Variants in KLHL29 observed in about 807,000 individuals in gnomAD.
The protein encoded by KLHL29 is kelch-like protein 29.
KLHL29 carries 21 observed loss-of-function variants against 80.4 expected under a neutral mutation model. The ratio of observed to expected loss-of-function variants is 0.26; its 90% CI spans 0.19 to 0.38. The LOEUF (loss-of-function observed/expected upper bound fraction) is 0.38, where lower values mean the gene tolerates loss of function less well. Ranked by LOEUF, KLHL29 falls within the 10% of genes least tolerant of loss-of-function variation. KLHL29 has a pLI of 1.00. For synonymous variants in KLHL29, 511 were observed against 526.8 expected (o/e 0.97, Z 0.41); for missense variants, 867 against 1,223.9 (o/e 0.71, Z 4.35).
In KLHL29 at chr2:23,457,602, C is replaced by G. The variant is rs1664092594; in HGVS notation, c.-153-17958C>G. The stretch of plus-strand genomic sequence containing the variant: ...TGTCACAAGGATTGTAACAGCGTCC[C>G]ACTGGTGCTGGATGGCCAACAATAA... On this transcript the variant is annotated intron_variant, in intron 1 of 13. Transcript: ENST00000486442. This position sits in a 1 kb window ranked among gnomAD's most constrained non-coding sequence, Gnocchi z 4.3. Among the ~76,000 whole-genome samples the G allele has an allele frequency of 1.3e-5, 2 of 152,160 alleles. No homozygotes were observed. The highest frequency in any genetic ancestry group is 4.8e-5 in the African/African-American group (2 of 41,430).
At chr2:23,688,946 C>G (rs972931588) in intron 6 of KLHL29, 5 of 152,230 alleles carry the variant, frequency 3.3e-5, no homozygotes, top group African/African-American at 1.2e-4. Context: ...GGTCCCTGTT[C>G]AGAGAGAAGA....
intron 3 of KLHL29, among the ~76,000 whole-genome samples, chr2:23,615,741 C>T (rs73919786): frequency 6.6e-6 from 1 of 152,286 alleles, no homozygotes; most frequent in African/African-American, 2.4e-5. Context: ...GATGGTTATG[C>T]ACCTGTTAGG....
chr2:23,497,022 T>C (rs1254294523), intron 2 of KLHL29, among the ~76,000 whole-genome samples: 1 of 151,702 alleles, frequency 6.6e-6, no homozygotes, highest in African/African-American at 2.4e-5. Flanking sequence ...ATATTTGTTC[T>C]GCAACCATAT....
intron 3 of KLHL29, among the ~76,000 whole-genome samples, chr2:23,619,194 A>G (rs1299044401): frequency 6.6e-6 from 1 of 152,250 alleles, no homozygotes; most frequent in South Asian, 2.1e-4. Context: ...GAAAGCATAC[A>G]TGAAATGCTT....
chr2:23,458,175 A>T (rs953327769), intron 1 of KLHL29, among the ~76,000 whole-genome samples: 1 of 152,202 alleles, frequency 6.6e-6, no homozygotes, highest in Non-Finnish European at 1.5e-5. Context: ...CTCAGCAGAC[A>T]CCAGGGACCT....
chr2:23,650,252 A>G (rs1282153050), intron 5 of KLHL29, among the ~76,000 whole-genome samples: 1 of 152,248 alleles, frequency 6.6e-6, no homozygotes, highest in Non-Finnish European at 1.5e-5. Flanking sequence ...TTAAGGGGAC[A>G]GTGAGTGGTT....
intron 5 of KLHL29, among the ~76,000 whole-genome samples, chr2:23,665,290 G>A (rs1383246524): frequency 1.3e-5 from 2 of 152,234 alleles, no homozygotes; most frequent in African/African-American, 2.4e-5. Flanking sequence ...TTGGAGGGAT[G>A]TGTTGTCTCC....
At chr2:23,403,726 A>AGAGAGTGTGT (rs534136885) in intron 1 of KLHL29, among the ~76,000 whole-genome samples, 242 of 144,100 alleles carry the variant, frequency 1.7e-3, no homozygotes, top group Non-Finnish European at 2.6e-3. Flanking sequence ...AGAGAGAGAG[A>AGAGAGTGTGT]GTGTGTGTGT....
chr2:23,619,880 G>T (rs183093670), intron 3 of KLHL29, among the ~76,000 whole-genome samples: 2 of 152,332 alleles, frequency 1.3e-5, no homozygotes, highest in Admixed American at 1.3e-4. Flanking sequence ...ATAAGGCATG[G>T]TCTGTCCTCC....
chr2:23,645,272 A>G (rs1330797432), intron 5 of KLHL29, among the ~76,000 whole-genome samples: 1 of 152,198 alleles, frequency 6.6e-6, no homozygotes, highest in Non-Finnish European at 1.5e-5. Flanking sequence ...GAAACTTGCC[A>G]TGTGAGAGTC....
rs1230609530 is a variant in KLHL29 at position 23,707,442 on chromosome 2, T to C, written c.*778T>C. 1 of 152,200 alleles carries C rather than the reference T, an allele frequency of 6.6e-6. No homozygotes were observed. Among genetic ancestry groups the C allele is most frequent in the Admixed American group, 6.5e-5 (1 of 15,274 alleles). 9.4% of individuals were successfully genotyped at this position (152,200 alleles called of 1,614,324 possible). A position where few individuals can be genotyped will look rare whatever the true frequency, so the allele number is the denominator to read the frequency against. On this transcript the variant is annotated 3_prime_UTR_variant, in exon 14 of 14. Coordinates refer to ENST00000486442, the MANE Select transcript of KLHL29 (RefSeq NM_052920.2). ...GGAGCAGGCCACAAGAGGGATAATG[T>C]TGTGGGAATTCCCAAAGCTCTTTGT...
intron 1 of KLHL29, among the ~76,000 whole-genome samples, chr2:23,407,585 G>T (rs534057081): frequency 1.3e-5 from 2 of 151,670 alleles, no homozygotes; most frequent in Admixed American, 1.3e-4. Flanking sequence ...TGGTTTCTCG[G>T]TTGTATAGAT....
chr2:23,465,436 A>C (rs552492288), intron 1 of KLHL29, among the ~76,000 whole-genome samples: 1 of 152,336 alleles, frequency 6.6e-6, no homozygotes, highest in South Asian at 2.1e-4. Context: ...CATACTGCAG[A>C]AACAGCCCTC....
chr2:23,438,954 T>C (rs1663428208), intron 1 of KLHL29, among the ~76,000 whole-genome samples: 1 of 146,560 alleles, frequency 6.8e-6, no homozygotes, highest in African/African-American at 2.6e-5. Flanking sequence ...CTCTTTTTGG[T>C]AGGTAAGCTA....
chr2:23,605,040 C>T (rs538832167), intron 3 of KLHL29, among the ~76,000 whole-genome samples: 8 of 152,190 alleles, frequency 5.3e-5, no homozygotes, highest in African/African-American at 1.7e-4. Flanking sequence ...GACCTGCCAC[C>T]GCCTTCCCTG....
chr2:23,671,587 G>T (rs553443886), intron 5 of KLHL29, among the ~76,000 whole-genome samples: 1 of 152,146 alleles, frequency 6.6e-6, no homozygotes, highest in East Asian at 1.9e-4. Flanking sequence ...AAAGCACACC[G>T]TTCCTGTGGG....
chr2:23,564,909 G>A (rs909499744), intron 3 of KLHL29, among the ~76,000 whole-genome samples: 3 of 152,230 alleles, frequency 2.0e-5, no homozygotes, highest in East Asian at 1.9e-4. Context: ...AGTGGCTACA[G>A]CCAGACTTTG....
intron 2 of KLHL29, among the ~76,000 whole-genome samples, chr2:23,478,518 C>T (rs1679003566): frequency 6.6e-6 from 1 of 152,098 alleles, no homozygotes; most frequent in African/African-American, 2.4e-5. Context: ...GTGGAAATCA[C>T]CCAAATAAGT....
At chr2:23,516,229 G>T (rs1665917891) in intron 2 of KLHL29, among the ~76,000 whole-genome samples, 1 of 149,552 alleles carries the variant, frequency 6.7e-6, no homozygotes, top group African/African-American at 2.5e-5. Context: ...GAAGACCCTT[G>T]ACTCTGGGGC....
Sources: gnomAD v4.1 joint callset for allele counts (sites outside exome capture counted in the v4.1 genomes callset) on GRCh38, gnomAD v4.1.1 for gene constraint, Gnocchi (gnomAD v3.1) non-coding constraint, MANE v1.5 for transcripts, NCBI Gene and HGNC (gene_info 2026-07-23, HGNC 2026-07-21) for gene names.